DDX24: variants seen among roughly 807,000 people sequenced by gnomAD.
DDX24 encodes ATP-dependent RNA helicase DDX24.
DDX24 carries 24 observed loss-of-function variants against 68.9 expected under a neutral mutation model. That is an observed-to-expected ratio of 0.35 (90% confidence interval 0.25 to 0.49). DDX24 has a LOEUF of 0.49. Among genes scored for constraint, DDX24 ranks in the 20% least tolerant of loss-of-function variants. The probability of loss-of-function intolerance (pLI) is 0.99; values close to 1 mark genes in which losing one functional copy is unlikely to be tolerated. For missense variants in DDX24, 989 were observed against 1,039.0 expected, an observed-to-expected ratio of 0.95 and a Z score of 0.66; for synonymous variants, 395 against 385.2, an observed-to-expected ratio of 1.03 and a Z score of -0.30.
chr14:94,055,475 A>G (rs1885475846), intron 6 of DDX24: 1 of 419,278 alleles, frequency 2.4e-6, no homozygotes, highest in Non-Finnish European at 4.3e-6. Flanking sequence ...GGATTTAAGC[A>G]GCCCAGCTCC....
chr14:94,070,722 T>A (rs982410360), intron 2 of DDX24, among the ~76,000 whole-genome samples: 6 of 152,182 alleles, frequency 3.9e-5, no homozygotes, highest in African/African-American at 1.4e-4. Flanking sequence ...TACAGCCAAC[T>A]GATCTTCAAC....
At chr14:94,060,793 G>A (rs1449599341) in intron 4 of DDX24, 120 bp downstream of exon 4, 1 of 1,494,170 alleles carries the variant, frequency 6.7e-7, no homozygotes, top group South Asian at 1.3e-5. Context: ...AAAGGCCAGG[G>A]TCTGGATGAT....
intron 2 of DDX24, among the ~76,000 whole-genome samples, chr14:94,066,662 C>T (rs1180579994): frequency 6.6e-6 from 1 of 152,234 alleles, no homozygotes; most frequent in Non-Finnish European, 1.5e-5. Flanking sequence ...CATCACAGGA[C>T]TCTGTGCAGA....
At chr14:94,059,155 T>C (rs1400056149) in intron 5 of DDX24, among the ~76,000 whole-genome samples, 1 of 152,254 alleles carries the variant, frequency 6.6e-6, no homozygotes, top group Admixed American at 6.5e-5. Context: ...AAACCACTGA[T>C]ACTACTTACC....
Position 94,060,393 on chromosome 14 carries a change from G to A in DDX24, c.1618C>T (p.Gln540Ter). 1 of 1,614,160 alleles carries A rather than the reference G, an allele frequency of 6.2e-7. No homozygotes were observed. The highest frequency in any genetic ancestry group is 8.5e-7 in the Non-Finnish European group (1 of 1,180,030). Residue 540 changes from glutamine to a stop codon, truncating the protein, a stop_gained, in exon 5 of 9, where the codon CAG becomes TAG. Transcript: ENST00000621632. LOFTEE classifies it high-confidence loss of function. The stretch of plus-strand genomic sequence containing the variant: ...GGCTTGCCCCTCATGCCAATTTTCT[G>A]CATAAGGAGGTCAAGTTTGGCTGTT... ...DKTAKLDLLMQKIGMRGKPKV... is the reference protein window; with the variant it reads ...DKTAKLDLLM
rs1033666361 is a variant in DDX24, at chr14:94,049,817, C to A, written c.*1374G>T. ...GGCTGAGGCGGGAGGACTGCCTGGGCCCAGGAGTGTGAGGTTGCAGTGAGC... is the reference window on the plus strand; with the variant it reads ...GGCTGAGGCGGGAGGACTGCCTGGGACCAGGAGTGTGAGGTTGCAGTGAGC... On this transcript the variant is annotated 3_prime_UTR_variant, in exon 9 of 9. Transcript: ENST00000621632. 1 of 151,994 alleles carries A rather than the reference C, an allele frequency of 6.6e-6. No individual in the cohort carries two copies. The highest frequency in any genetic ancestry group is 1.5e-5 in the Non-Finnish European group (1 of 68,058). 9.4% of individuals were successfully genotyped at this position (151,994 alleles called of 1,614,324 possible).
chr14:94,074,721 A>G (rs1357136842), intron 2 of DDX24, among the ~76,000 whole-genome samples: 2 of 152,232 alleles, frequency 1.3e-5, no homozygotes, highest in Admixed American at 1.3e-4. Flanking sequence ...AGCCACTGCA[A>G]TACAACAAGA....
chr14:94,053,354 ATTTCTTTTTTTT>A (rs1885425929), intron 7 of DDX24: 2 of 145,254 alleles, frequency 1.4e-5, no homozygotes, highest in East Asian at 1.6e-4. Flanking sequence ...TGCCTAGGTA[ATTTCTTTTTTTT>A]TTTTTTTTTT....
At chr14:94,054,031 G>A (rs1885445214) in intron 7 of DDX24, among the ~76,000 whole-genome samples, 1 of 152,118 alleles carries the variant, frequency 6.6e-6, no homozygotes, top group South Asian at 2.1e-4. Context: ...AACCCTTACT[G>A]GTTTGACTGC....
At chr14:94,069,245 C>T (rs966639411) in intron 2 of DDX24, among the ~76,000 whole-genome samples, 3 of 152,054 alleles carry the variant, frequency 2.0e-5, no homozygotes, top group African/African-American at 7.2e-5. Flanking sequence ...CACCTTTACA[C>T]AGATAAACTA....
chr14:94,075,771 C>G (rs536111808), intron 2 of DDX24, among the ~76,000 whole-genome samples: 65 of 152,292 alleles, frequency 4.3e-4, no homozygotes, highest in African/African-American at 1.5e-3. Flanking sequence ...TGATAAAGGA[C>G]ATGTATCTAG....
intron 2 of DDX24, among the ~76,000 whole-genome samples, chr14:94,075,901 A>G (rs1885929795): frequency 6.6e-6 from 1 of 152,266 alleles, no homozygotes; most frequent in African/African-American, 2.4e-5. Context: ...TCACTAGGGA[A>G]ATGCAAATTC....
intron 8 of DDX24, among the ~76,000 whole-genome samples, chr14:94,052,394 T>C (rs1885405255): frequency 6.6e-6 from 1 of 152,224 alleles, no homozygotes. Flanking sequence ...GTATCTAGTT[T>C]CCATATGTAA....
chr14:94,079,108 A>C lies in DDX24; in HGVS notation c.635T>G (p.Phe212Cys), dbSNP rs1465318335. The change falls in exon 2 of 9, where the codon TTC becomes TGC. Residue 212 changes from phenylalanine to cysteine, a missense_variant. Phe to Cys is a radical substitution (Grantham distance 205). Coordinates refer to ENST00000621632, the MANE Select transcript of DDX24 (RefSeq NM_020414.4). The stretch of plus-strand genomic sequence containing the variant: ...GGCTTGGATTGGTGTGGGTGCAGAG[A>C]AGCCTAGAAAGCTGAGTGCTCGGAG... ...PVLRALSFLG[F>C]SAPTPIQALT... is the part of the protein sequence containing the mutation. 6.2e-7 allele frequency: 1 copy of C among 1,614,106 alleles called. No individual in the cohort carries two copies. Among genetic ancestry groups the C allele is most frequent in the Non-Finnish European group, 8.5e-7 (1 of 1,180,064 alleles).
At position 94,053,169 on chromosome 14, in the gene DDX24, C is replaced by T. The variant is rs1255284432; in HGVS notation, c.2179-42G>A. On this transcript the variant is annotated intron_variant, in intron 7 of 8. Coordinates refer to ENST00000621632, the MANE Select transcript of DDX24 (RefSeq NM_020414.4). ...GAAAATATTCATCTGAAATAGAGTTCAGGCCTCTGGGAAGCAAAGTCTCAC... is the reference window on the plus strand; with the variant it reads ...GAAAATATTCATCTGAAATAGAGTTTAGGCCTCTGGGAAGCAAAGTCTCAC... 5 of 1,612,682 alleles carry T rather than the reference C, an allele frequency of 3.1e-6. No homozygotes were observed. In the African/African-American group the frequency reaches 5.3e-5, roughly 17 times the overall value.
chr14:94,054,647 C>T (rs1376142236), intron 7 of DDX24, among the ~76,000 whole-genome samples: 8 of 152,228 alleles, frequency 5.3e-5, no homozygotes, highest in Admixed American at 5.2e-4. Context: ...TGTGCCAAAC[C>T]TGTAGCATCT....
intron 7 of DDX24, chr14:94,053,354 ATTTCTT>A: frequency 6.9e-6 from 1 of 145,198 alleles, no homozygotes; most frequent in Non-Finnish European, 1.2e-5. Flanking sequence ...TGCCTAGGTA[ATTTCTT>A]TTTTTTTTTT....
rs754809380 is a variant in DDX24, at chr14:94,060,462, G to A, written c.1549C>T (p.Pro517Ser). Residue 517 changes from proline to serine, a missense_variant, in exon 5 of 9, where the codon CCT becomes TCT. By Grantham distance (74) the Pro-to-Ser change is moderately conservative (BLOSUM62 -1). This residue lies in a region of DDX24 where 691 missense variants were observed against 760.0 expected (regional missense o/e 0.91). Coordinates refer to ENST00000621632, the MANE Select transcript of DDX24 (RefSeq NM_020414.4). ...TGCTTCTTATGAAGGATTCGAGCAG[G>A]AGCCTGATGCACCAGGGTGAGTGTG... ...SATLTLVHQAPARILHKKHTK... is the reference protein window; with the variant it reads ...SATLTLVHQASARILHKKHTK... The A allele has an allele frequency of 1.4e-5, 23 of 1,614,130 alleles. No homozygotes were observed. The highest frequency in any genetic ancestry group is 1.9e-5 in the Non-Finnish European group (22 of 1,180,034).
At chr14:94,075,483 C>T (rs1221663776) in intron 2 of DDX24, among the ~76,000 whole-genome samples, 1 of 152,180 alleles carries the variant, frequency 6.6e-6, no homozygotes, top group Non-Finnish European at 1.5e-5. Flanking sequence ...ATACTTCTCA[C>T]TCTAAATAAA....
Sources: allele counts gnomAD v4.1 joint callset (sites outside exome capture counted in the v4.1 genomes callset), GRCh38; gene constraint gnomAD v4.1.1; regional missense constraint gnomAD v4.1.1; transcripts MANE v1.5; gene names NCBI Gene and HGNC (gene_info 2026-07-23, HGNC 2026-07-21).